Variants in CCDC38 observed in about 807,000 individuals in gnomAD.
CCDC38 encodes the protein coiled-coil domain containing 38.
In CCDC38, 69 loss-of-function variants were observed where a neutral mutation model predicts 72.8. That is an observed-to-expected ratio of 0.95 (90% confidence interval 0.78 to 1.16). CCDC38 has a LOEUF of 1.16. CCDC38 is among the 50% of genes most tolerant of loss of function. The pLI, the probability that CCDC38 is intolerant of heterozygous loss-of-function variation, is 0.00. For missense variants in CCDC38, 626 were observed against 638.9 expected (o/e 0.98, Z 0.22); for synonymous variants, 201 against 213.2 (o/e 0.94, Z 0.50).
chr12:95,923,826 AATG>A (rs1308007050), intron 2 of CCDC38, among the ~76,000 whole-genome samples: 3 of 143,878 alleles, frequency 2.1e-5, no homozygotes, highest in Non-Finnish European at 4.5e-5. Flanking sequence ...GTTTACTGAG[AATG>A]ATGATTTCCA....
At chr12:95,899,869 T>C (rs2079932504) in intron 5 of CCDC38, among the ~76,000 whole-genome samples, 1 of 152,114 alleles carries the variant, frequency 6.6e-6, no homozygotes, top group Admixed American at 6.6e-5. Flanking sequence ...GGAGTGTCCA[T>C]TCTAGAAGAG....
At chr12:95,874,615 A>AAGGGAC (rs2079616479) in intron 13 of CCDC38, among the ~76,000 whole-genome samples, 2 of 152,070 alleles carry the variant, frequency 1.3e-5, no homozygotes, top group African/African-American at 4.8e-5. Context: ...AGGGAAGGGA[A>AAGGGAC]GTTTCAGCCC....
intron 4 of CCDC38, among the ~76,000 whole-genome samples, chr12:95,906,969 G>A (rs555072290): frequency 2.6e-5 from 4 of 151,186 alleles, no homozygotes; most frequent in African/African-American, 7.3e-5. Context: ...AGGACCCTGC[G>A]GCCTTCCGCA....
intron 5 of CCDC38, among the ~76,000 whole-genome samples, chr12:95,905,378 T>A (rs909330541): frequency 1.3e-5 from 2 of 152,192 alleles, no homozygotes; most frequent in Admixed American, 6.5e-5. Context: ...TCCTAGTGTA[T>A]CTGTCAAGCA....
intron 4 of CCDC38, among the ~76,000 whole-genome samples, chr12:95,912,236 G>A (rs1162412576): frequency 6.6e-6 from 1 of 152,136 alleles, no homozygotes; most frequent in African/African-American, 2.4e-5. Flanking sequence ...AGGGAGAGGA[G>A]CAAGGGTTGA....
chr12:95,872,150 T>C, intron 14 of CCDC38, 105 bp downstream of exon 14: 1 of 978,008 alleles, frequency 1.0e-6, no homozygotes, highest in Non-Finnish European at 1.6e-6. Context: ...TCCTCCTCAC[T>C]GTGTCCCTAT....
intron 1 of CCDC38, 74 bp from the exon 2 acceptor site, chr12:95,936,597 A>C (rs2080397107): frequency 1.6e-6 from 2 of 1,216,320 alleles, no homozygotes; most frequent in Non-Finnish European, 2.4e-6. Flanking sequence ...TTCAACTGCC[A>C]ATGACTCCTT....
intron 8 of CCDC38, among the ~76,000 whole-genome samples, chr12:95,891,313 T>C (rs994779524): frequency 3.9e-5 from 6 of 152,164 alleles, no homozygotes; most frequent in Non-Finnish European, 7.4e-5. Context: ...GAACATTCTC[T>C]ATTTGGATCA....
chr12:95,879,572 T>G lies in CCDC38; in HGVS notation c.1142+72A>C. The G allele has an allele frequency of 9.4e-7, 1 of 1,064,068 alleles. No individual in the cohort carries two copies. Among genetic ancestry groups the G allele is most frequent in the Non-Finnish European group, 1.4e-6 (1 of 726,784 alleles). 65.9% of individuals were successfully genotyped at this position (1,064,068 alleles called of 1,614,324 possible). On this transcript the variant is annotated intron_variant, in intron 12 of 15. Coordinates refer to ENST00000344280, the MANE Select transcript of CCDC38 (RefSeq NM_182496.3). This position sits in a 1 kb window ranked among gnomAD's most constrained non-coding sequence, Gnocchi z 5.5. ...AGAGACCACGAGGAAGAGCCACATG[T>G]GAGTGAGTTGGACCCAGGCTCTGGT...
chr12:95,927,102 A>G (rs940333138), intron 2 of CCDC38, among the ~76,000 whole-genome samples: 8 of 151,920 alleles, frequency 5.3e-5, no homozygotes. Flanking sequence ...ATGCTTGTTG[A>G]CTTTCTGTCT....
At chr12:95,890,979 A>G (rs774353469) in intron 8 of CCDC38, 49 bp from the exon 9 acceptor site, 15 of 1,014,386 alleles carry the variant, frequency 1.5e-5, no homozygotes, top group South Asian at 8.3e-5. Flanking sequence ...ATGGGGGGAA[A>G]AAAACACTGC....
chr12:95,942,161 CT>C (rs987673091), intron 1 of CCDC38, among the ~76,000 whole-genome samples: 13 of 152,020 alleles, frequency 8.6e-5, no homozygotes, highest in Non-Finnish European at 1.5e-5. Context: ...CCTTTCCTAT[CT>C]TTGTATGTTC....
At chr12:95,888,884 T>C (rs1472059903) in intron 9 of CCDC38, among the ~76,000 whole-genome samples, 4 of 151,988 alleles carry the variant, frequency 2.6e-5, no homozygotes, top group African/African-American at 9.7e-5. Context: ...ACTGTTTGTC[T>C]TTGTGTACGT....
chr12:95,911,582 G>A (rs55941551), intron 4 of CCDC38, among the ~76,000 whole-genome samples: 24,126 of 151,946 alleles, frequency 0.16, 2,189 homozygotes, highest in African/African-American at 0.24. Context: ...GCAAAAGAAG[G>A]CATACAAGTG....
chr12:95,932,631 C>A (rs1044814137), intron 2 of CCDC38, among the ~76,000 whole-genome samples: 2 of 152,042 alleles, frequency 1.3e-5, no homozygotes, highest in African/African-American at 4.8e-5. Flanking sequence ...TAAAGTAGAT[C>A]TAAATTAATA....
chr12:95,936,463 TTC>T lies in CCDC38; in HGVS notation c.37+8_37+9del. ...CCCAAACAAGAATATATTGATTGAT[TTC>T]TTTTTACCTCCAGAATTCAGTGTTG... On this transcript the variant is annotated splice_region_variant and intron_variant, in intron 2 of 15. Coordinates refer to ENST00000344280, the MANE Select transcript of CCDC38 (RefSeq NM_182496.3). The T allele has an allele frequency of 6.2e-7, 1 of 1,612,790 alleles. No homozygotes were observed. The highest frequency in any genetic ancestry group is 8.5e-7 in the Non-Finnish European group (1 of 1,179,622).
intron 10 of CCDC38, among the ~76,000 whole-genome samples, chr12:95,883,153 A>G (rs1194273673): frequency 6.6e-6 from 1 of 152,182 alleles, no homozygotes; most frequent in Non-Finnish European, 1.5e-5. Flanking sequence ...TAGGCAGTCC[A>G]ATCTCTCTCA....
chr12:95,890,539 G>A (rs80203744), intron 9 of CCDC38, among the ~76,000 whole-genome samples: 15,167 of 152,334 alleles, frequency 0.1, 1,073 homozygotes, highest in Non-Finnish European at 0.14. Flanking sequence ...AGGCAGGTCC[G>A]CGCCAGAGAA....
In CCDC38 at chr12:95,872,467, T is replaced by C. The variant is rs767561976; in HGVS notation, c.1279-7A>G. 5.0e-6 allele frequency: 8 copies of C among 1,587,574 alleles called. No individual in the cohort carries two copies. The highest frequency in any genetic ancestry group is 6.9e-6 in the Non-Finnish European group (8 of 1,155,944). ...GTGAGTCTATCAGTATTTCCTGAGA[T>C]TGAGAAGAGCAGAAAACATTAACAT... On this transcript the variant is annotated splice_polypyrimidine_tract_variant and splice_region_variant and intron_variant, in intron 13 of 15. Coordinates refer to ENST00000344280, the MANE Select transcript of CCDC38 (RefSeq NM_182496.3).
Sources: allele counts gnomAD v4.1 joint callset (sites outside exome capture counted in the v4.1 genomes callset), GRCh38; gene constraint gnomAD v4.1.1; non-coding constraint Gnocchi (gnomAD v3.1); transcripts MANE v1.5; gene names NCBI Gene and HGNC (gene_info 2026-07-23, HGNC 2026-07-21).